Variants in NIBAN2 observed in about 807,000 individuals in gnomAD.
NIBAN2 encodes niban apoptosis regulator 2, also known as protein Niban 2.
NIBAN2 carries 36 observed loss-of-function variants against 81.8 expected under a neutral mutation model. The observed-to-expected ratio is 0.44, with a 90% CI of 0.34 to 0.58. NIBAN2 has a LOEUF of 0.58. Ranked by LOEUF, NIBAN2 falls within the 20% of genes least tolerant of loss-of-function variation. The probability of loss-of-function intolerance (pLI) is 0.02; values close to 1 mark genes in which losing one functional copy is unlikely to be tolerated. For synonymous variants in NIBAN2, 445 were observed against 441.6 expected (o/e 1.01, Z -0.10); for missense variants, 897 against 1,014.1 (o/e 0.88, Z 1.57).
chr9:127,509,262 G>T (rs1466778499), intron 9 of NIBAN2, 131 bp from the exon 10 acceptor site: 2 of 845,282 alleles, frequency 2.4e-6, no homozygotes, highest in Non-Finnish European at 3.6e-6. Flanking sequence ...TGGCCACCTG[G>T]TGCTCATGGC....
chr9:127,527,228 T>A lies in NIBAN2; in HGVS notation c.281A>T (p.His94Leu), dbSNP rs1263650284. 6.2e-7 allele frequency: 1 copy of A among 1,613,812 alleles called. No homozygotes were observed. The change falls in exon 3 of 14, where the codon CAC becomes CTC. Residue 94 changes from histidine (H) to leucine (L), a missense_variant. His to Leu is a moderately conservative substitution (Grantham distance 99, BLOSUM62 -3). Transcript: ENST00000373312. ...KWRNRFSLVPHNYGLVLYENK... is the reference protein window; with the variant it reads ...KWRNRFSLVPLNYGLVLYENK... ...TTCGTAGAGCACCAGCCCGTAGTTG[T>A]GGGGCACGAGGCTGAAGCGGTTTCT...
intron 5 of NIBAN2, among the ~76,000 whole-genome samples, chr9:127,519,046 G>T (rs1200001167): frequency 6.6e-6 from 1 of 151,892 alleles, no homozygotes; most frequent in Non-Finnish European, 1.5e-5. Context: ...ATGGTGGCAG[G>T]CACCTGTAAT....
chr9:127,506,897 G>A lies in NIBAN2; in HGVS notation c.2189C>T (p.Pro730Leu), dbSNP rs769327730. The A allele has an allele frequency of 1.2e-6, 2 of 1,612,670 alleles. No homozygotes were observed. Among genetic ancestry groups the A allele is most frequent in the African/African-American group, 2.7e-5 (2 of 75,038 alleles). The stretch of plus-strand genomic sequence containing the variant: ...GTCCTCGGTGGTGGTGTGGAGGGCG[G>A]GGTGGCTGCTGGGGCTGGACACCTG... ...GEQVSSPSSH[P>L]ALHTTTEDSA... Residue 730 changes from proline (P) to leucine (L), a missense_variant, in exon 14 of 14, where the codon CCC (proline) becomes CTC (leucine). This residue lies in a region of NIBAN2 where 619 missense variants were observed against 691.0 expected (regional missense o/e 0.90). Transcript: ENST00000373312.
chr9:127,546,198 C>A (rs1036291551), intron 1 of NIBAN2, among the ~76,000 whole-genome samples: 2 of 152,222 alleles, frequency 1.3e-5, no homozygotes, highest in African/African-American at 4.8e-5. Flanking sequence ...ACTTTTTCTC[C>A]ACAATGTCTC....
At chr9:127,530,298 G>A (rs897508322) in intron 2 of NIBAN2, among the ~76,000 whole-genome samples, 4 of 152,314 alleles carry the variant, frequency 2.6e-5, no homozygotes, top group Admixed American at 2.6e-4. Context: ...TCCGACACAC[G>A]GTCCTGACCT....
intron 2 of NIBAN2, among the ~76,000 whole-genome samples, chr9:127,530,446 G>A (rs1443694277): frequency 2.6e-5 from 4 of 152,278 alleles, no homozygotes; most frequent in Non-Finnish European, 5.9e-5. Flanking sequence ...CACTTTGGGA[G>A]GCCAAGGTGG....
Position 127,508,218 on chromosome 9 carries a change from G to A in NIBAN2, c.1435-18C>T. 3.8e-6 allele frequency: 6 copies of A among 1,599,338 alleles called. No homozygotes were observed. Among genetic ancestry groups the A allele is most frequent in the Non-Finnish European group, 5.1e-6 (6 of 1,167,856 alleles). ...TCGTATTTCTGCAGGGAACAAGGGG[G>A]TCGGGGGTCTGCAGGTCAGTGGGCT... On this transcript the variant is annotated intron_variant, in intron 11 of 13. Coordinates refer to ENST00000373312, the MANE Select transcript of NIBAN2 (RefSeq NM_022833.4). The surrounding 1 kb of genome is among the most constrained non-coding windows in gnomAD (Gnocchi z 6.4).
chr9:127,567,266 G>T (rs1344529305), intron 1 of NIBAN2, among the ~76,000 whole-genome samples: 1 of 152,178 alleles, frequency 6.6e-6, no homozygotes, highest in Admixed American at 6.5e-5. Context: ...TCAACAGGAG[G>T]TCCTGAATGG....
chr9:127,537,835 C>G (rs1837307230), intron 1 of NIBAN2, among the ~76,000 whole-genome samples: 1 of 152,216 alleles, frequency 6.6e-6, no homozygotes, highest in Non-Finnish European at 1.5e-5. Flanking sequence ...TCCACAAAAC[C>G]TGCCGAGGCC....
chr9:127,575,932 G>A (rs988966271), intron 1 of NIBAN2, among the ~76,000 whole-genome samples: 19 of 151,842 alleles, frequency 1.3e-4, no homozygotes, highest in Non-Finnish European at 2.8e-4. Context: ...TCTGCACCCT[G>A]CCCCCCTACT....
At chr9:127,546,655 G>A (rs994368305) in intron 1 of NIBAN2, among the ~76,000 whole-genome samples, 4 of 152,130 alleles carry the variant, frequency 2.6e-5, no homozygotes, top group African/African-American at 4.8e-5. Context: ...CAGCCAGCGC[G>A]GGCCAAGCCA....
intron 8 of NIBAN2, among the ~76,000 whole-genome samples, chr9:127,512,251 C>A (rs1348303356): frequency 1.3e-5 from 2 of 151,916 alleles, no homozygotes; most frequent in African/African-American, 4.8e-5. Context: ...CCTTCAAGTT[C>A]TCCCGCCTTT....
In NIBAN2 at chr9:127,563,967, T is replaced by C. The variant is rs1302595413; in HGVS notation, c.55+4853A>G. 2.6e-5 allele frequency among the ~76,000 whole-genome samples: 4 copies of C among 152,172 alleles called. No individual in the cohort carries two copies. Among genetic ancestry groups the C allele is most frequent in the African/African-American group, 9.7e-5 (4 of 41,438 alleles). On this transcript the variant is annotated intron_variant, in intron 1 of 13. Transcript: ENST00000373312. The surrounding 1 kb of genome is among the most constrained non-coding windows in gnomAD (Gnocchi z 4.1). ...TAGCAGGAGAGTGTCAAACGCCTGC[T>C]GCCTTCTTAAAGGCTATGTGTCCAT...
intron 1 of NIBAN2, among the ~76,000 whole-genome samples, chr9:127,550,228 C>A (rs1837551075): frequency 6.6e-6 from 1 of 152,206 alleles, no homozygotes; most frequent in African/African-American, 2.4e-5. Flanking sequence ...CACCATGGTG[C>A]TGGACCCTCA....
At position 127,507,230 on chromosome 9, in the gene NIBAN2, G is replaced by T; in HGVS notation, c.1856C>A (p.Ala619Asp). The T allele has an allele frequency of 1.9e-6, 3 of 1,611,670 alleles. No homozygotes were observed. Among genetic ancestry groups the T allele is most frequent in the Non-Finnish European group, 2.5e-6 (3 of 1,178,754 alleles). Residue 619 changes from alanine to aspartate, a missense_variant, in exon 14 of 14, where the codon GCC becomes GAC. Physicochemically the swap from Ala to Asp is moderately radical, Grantham distance 126. Coordinates refer to ENST00000373312, the MANE Select transcript of NIBAN2 (RefSeq NM_022833.4). This position sits in a 1 kb window ranked among gnomAD's most constrained non-coding sequence, Gnocchi z 6.8. ...SATLSEKRRRAKQVVSVVQDE... is the reference protein window; with the variant it reads ...SATLSEKRRRDKQVVSVVQDE... ...CTGGACCACAGAGACCACCTGCTTG[G>T]CGCGCCGTCGCTTTTCCGAGAGGGT... is the stretch of plus-strand genomic sequence containing the variant.
intron 1 of NIBAN2, among the ~76,000 whole-genome samples, chr9:127,567,044 T>C (rs538379818): frequency 6.6e-6 from 1 of 152,256 alleles, no homozygotes; most frequent in Non-Finnish European, 1.5e-5. Flanking sequence ...CCCAGCCTGG[T>C]ATCCAGAAAA....
intron 1 of NIBAN2, among the ~76,000 whole-genome samples, chr9:127,548,620 CTT>C (rs1474277821): frequency 2.0e-5 from 3 of 152,162 alleles, no homozygotes; most frequent in Non-Finnish European, 4.4e-5. Flanking sequence ...TTTTTTCTCT[CTT>C]CTCTTATTGC....
rs937795695 is a variant in NIBAN2, at chr9:127,559,282, C to T, written c.55+9538G>A. 2.0e-5 allele frequency among the ~76,000 whole-genome samples: 3 copies of T among 152,212 alleles called. No individual in the cohort carries two copies. The highest frequency in any genetic ancestry group is 7.2e-5 in the African/African-American group (3 of 41,446). On this transcript the variant is annotated intron_variant, in intron 1 of 13. Transcript: ENST00000373312. This position sits in a 1 kb window ranked among gnomAD's most constrained non-coding sequence, Gnocchi z 4.0. The stretch of plus-strand genomic sequence containing the variant: ...TCTTCCTTCAACGGCAAGATGGCCT[C>T]CTGCAATGTGGAGGTGCTGCACCTG...
At chr9:127,551,010 C>T (rs1002242367) in intron 1 of NIBAN2, among the ~76,000 whole-genome samples, 1 of 152,112 alleles carries the variant, frequency 6.6e-6, no homozygotes, top group African/African-American at 2.4e-5. Flanking sequence ...GGGGCACGCA[C>T]GTCACTCTGC....
Sources: gnomAD v4.1 joint callset for allele counts (sites outside exome capture counted in the v4.1 genomes callset) on GRCh38, gnomAD v4.1.1 for gene constraint, gnomAD v4.1.1 regional missense constraint, Gnocchi (gnomAD v3.1) non-coding constraint, MANE v1.5 for transcripts, NCBI Gene and HGNC (gene_info 2026-07-23, HGNC 2026-07-21) for gene names.